The following ZBTB20 variants were observed in gnomAD, a reference collection of about 807,000 sequenced individuals.
The protein encoded by ZBTB20 is zinc finger and BTB domain containing 20.
ZBTB20 carries 9 observed loss-of-function variants against 56.9 expected under a neutral mutation model. That is an observed-to-expected ratio of 0.16 (90% CI 0.10 to 0.28). The LOEUF (loss-of-function observed/expected upper bound fraction) is 0.28. ZBTB20 is among the 10% of genes least tolerant of loss of function. ZBTB20 has a pLI of 1.00. For synonymous variants in ZBTB20, 417 were observed against 420.7 expected, an observed-to-expected ratio of 0.99 and a Z score of 0.11; for missense variants, 655 against 1,003.0, an observed-to-expected ratio of 0.65 and a Z score of 4.69.
chr3:114,877,241 A>T (rs923349118), intron 4 of ZBTB20, among the ~76,000 whole-genome samples: 1 of 152,248 alleles, frequency 6.6e-6, no homozygotes, highest in African/African-American at 2.4e-5. Flanking sequence ...AAATAGATAG[A>T]AGTGCTAGTA....
chr3:114,588,445 T>G (rs16822982), intron 6 of ZBTB20, among the ~76,000 whole-genome samples: 18,586 of 152,180 alleles, frequency 0.12, 1,588 homozygotes, highest in African/African-American at 0.24. Flanking sequence ...GGGTGGCAAA[T>G]AATAAACTCA....
At chr3:114,403,390 T>C (rs2086992342) in intron 7 of ZBTB20, among the ~76,000 whole-genome samples, 1 of 152,138 alleles carries the variant, frequency 6.6e-6, no homozygotes, top group African/African-American at 2.4e-5. Context: ...TTGGAACTGG[T>C]GATATCGATA....
At chr3:114,951,645 T>A (rs774082884) in intron 3 of ZBTB20, among the ~76,000 whole-genome samples, 3 of 152,094 alleles carry the variant, frequency 2.0e-5, no homozygotes, top group Non-Finnish European at 2.9e-5. Flanking sequence ...CCTAACCAGG[T>A]CAATTGCCTT....
At chr3:114,729,749 A>AT (rs2065585365) in intron 5 of ZBTB20, among the ~76,000 whole-genome samples, 1 of 152,078 alleles carries the variant, frequency 6.6e-6, no homozygotes, top group African/African-American at 2.4e-5. Context: ...GCTATCGAGG[A>AT]TTTTTAGAGA....
At chr3:115,091,522 C>A (rs1207107016) in intron 1 of ZBTB20, among the ~76,000 whole-genome samples, 1 of 151,774 alleles carries the variant, frequency 6.6e-6, no homozygotes, top group Non-Finnish European at 1.5e-5. Flanking sequence ...ATAGGCAATG[C>A]CTTGTTTTCA....
At position 114,922,277 on chromosome 3, in the gene ZBTB20, G is replaced by T. The variant is rs1303919550; in HGVS notation, c.-455-21935C>A. Among the ~76,000 whole-genome samples, 5 of 152,150 alleles carry T rather than the reference G, an allele frequency of 3.3e-5. No individual in the cohort carries two copies. The East Asian group carries it at 9.7e-4, about 29-fold the overall frequency. On this transcript the variant is annotated intron_variant, in intron 3 of 11. Transcript: ENST00000675478. Reference sequence around the variant, plus strand: ...TTCCTCTAAGATTAGGAATGAAAAAGCATACTCACTCTCACTATTTCTATT... The same window carrying T: ...TTCCTCTAAGATTAGGAATGAAAAATCATACTCACTCTCACTATTTCTATT...
At chr3:115,014,035 GGATA>G (rs1426761571) in intron 2 of ZBTB20, among the ~76,000 whole-genome samples, 3 of 151,538 alleles carry the variant, frequency 2.0e-5, no homozygotes, top group Non-Finnish European at 3.0e-5. Flanking sequence ...ATCAACAGAT[GGATA>G]AAGAAAATGC....
At chr3:114,824,430 C>A (rs1275402924) in intron 4 of ZBTB20, among the ~76,000 whole-genome samples, 1 of 151,834 alleles carries the variant, frequency 6.6e-6, no homozygotes. Context: ...TTTAAATATG[C>A]CACTTCAGCC....
intron 5 of ZBTB20, among the ~76,000 whole-genome samples, chr3:114,800,211 T>C (rs1398279589): frequency 1.3e-5 from 2 of 151,924 alleles, no homozygotes; most frequent in Non-Finnish European, 2.9e-5. Flanking sequence ...TAAAAACAGA[T>C]TGACTTTCCT....
chr3:114,813,421 T>G (rs2072697470), intron 4 of ZBTB20, among the ~76,000 whole-genome samples: 1 of 152,190 alleles, frequency 6.6e-6, no homozygotes, highest in Non-Finnish European at 1.5e-5. Flanking sequence ...ATCAACCCTG[T>G]CCCAACTTCA....
intron 7 of ZBTB20, among the ~76,000 whole-genome samples, chr3:114,432,217 T>C (rs548798862): frequency 6.6e-6 from 1 of 152,092 alleles, no homozygotes; most frequent in East Asian, 1.9e-4. Context: ...TTGATATGTT[T>C]AATGCCATTT....
chr3:114,338,936 T>C lies in ZBTB20; in HGVS notation c.*69A>G. 1.4e-6 allele frequency: 2 copies of C among 1,434,504 alleles called. No homozygotes were observed. The highest frequency in any genetic ancestry group is 1.9e-6 in the Non-Finnish European group (2 of 1,080,176). 88.9% of individuals were successfully genotyped at this position (1,434,504 alleles called of 1,614,324 possible). A position where few individuals can be genotyped will look rare whatever the true frequency, so the allele number is the denominator to read the frequency against. On this transcript the variant is annotated 3_prime_UTR_variant, in exon 12 of 12. Transcript: ENST00000675478. ...AAACATTTCTTAAATTCTAGTGCCA[T>C]AGCTTTTTTGTTTGTTTGTTTTTTG...
intron 7 of ZBTB20, among the ~76,000 whole-genome samples, chr3:114,443,885 A>G (rs1368904046): frequency 6.6e-6 from 1 of 152,232 alleles, no homozygotes; most frequent in Non-Finnish European, 1.5e-5. Flanking sequence ...AAAATTAAGT[A>G]CATTGCCTAA....
At chr3:114,871,470 A>C (rs1296608861) in intron 4 of ZBTB20, among the ~76,000 whole-genome samples, 1 of 152,066 alleles carries the variant, frequency 6.6e-6, no homozygotes, top group Non-Finnish European at 1.5e-5. Context: ...TCATCTTCCC[A>C]AATGCCCTAA....
At chr3:114,931,017 A>AG (rs938363999) in intron 3 of ZBTB20, 8 of 176,974 alleles carry the variant, frequency 4.5e-5, no homozygotes, top group African/African-American at 1.9e-4. Context: ...GAAGGACGGG[A>AG]GAGTGCTCCC....
intron 4 of ZBTB20, among the ~76,000 whole-genome samples, chr3:114,807,551 G>T (rs1313602297): frequency 6.6e-6 from 1 of 151,424 alleles, no homozygotes; most frequent in African/African-American, 2.4e-5. Context: ...TTGAACAGAA[G>T]ACATAAGAAC....
chr3:115,052,140 T>A (rs1347979307), intron 2 of ZBTB20, among the ~76,000 whole-genome samples: 1 of 152,024 alleles, frequency 6.6e-6, no homozygotes, highest in African/African-American at 2.4e-5. Flanking sequence ...TAGCCACAAT[T>A]TAATGATATA....
rs182597202 is a variant in ZBTB20, at chr3:114,985,927, G to T, written c.-506-11511C>A. 2.6e-3 allele frequency among the ~76,000 whole-genome samples: 389 copies of T among 152,202 alleles called. 2 individuals carry two copies. The highest frequency in any genetic ancestry group is 9.2e-3 in the African/African-American group (381 of 41,544). On this transcript the variant is annotated intron_variant, in intron 2 of 11. Coordinates refer to ENST00000675478, the MANE Select transcript of ZBTB20 (RefSeq NM_001348800.3). ...ATTCTGCTACTATAGTCTGAAAGCAGCCATAAGCAATAAACATATAAACAA... is the reference window on the plus strand; with the variant it reads ...ATTCTGCTACTATAGTCTGAAAGCATCCATAAGCAATAAACATATAAACAA...
At chr3:114,843,562 T>A (rs1029376410) in intron 4 of ZBTB20, among the ~76,000 whole-genome samples, 15 of 152,322 alleles carry the variant, frequency 9.8e-5, no homozygotes, top group African/African-American at 3.6e-4. Context: ...ACAGATGGTG[T>A]TTCACTATGT....
Sources: allele counts gnomAD v4.1 joint callset (sites outside exome capture counted in the v4.1 genomes callset), GRCh38; gene constraint gnomAD v4.1.1; transcripts MANE v1.5; gene names NCBI Gene and HGNC (gene_info 2026-07-23, HGNC 2026-07-21).